Variants in FKBP10 observed in about 807,000 individuals in gnomAD.
FKBP10 encodes the protein peptidyl-prolyl cis-trans isomerase FKBP10.
A neutral mutation model predicts 53.7 loss-of-function variants in FKBP10; 34 were observed. That is an observed-to-expected ratio of 0.63 (90% CI 0.48 to 0.84). The LOEUF (loss-of-function observed/expected upper bound fraction) is 0.84, where lower values mean the gene tolerates loss of function less well. Among genes scored for constraint, FKBP10 ranks in the 40% least tolerant of loss-of-function variants. The pLI, the probability that FKBP10 is intolerant of heterozygous loss-of-function variation, is 0.00. For synonymous variants in FKBP10, 324 were observed against 335.7 expected, an observed-to-expected ratio of 0.97 and a Z score of 0.38; for missense variants, 748 against 797.8, an observed-to-expected ratio of 0.94 and a Z score of 0.75.
chr17:41,820,758 G>T lies in FKBP10; in HGVS notation c.1257-189G>T, dbSNP rs1043620017. 4.7e-4 allele frequency: 379 copies of T among 807,952 alleles called. 1 individual carries two copies. The highest frequency in any genetic ancestry group is 4.1e-4 in the Non-Finnish European group (217 of 525,870). 50.0% of individuals were successfully genotyped at this position (807,952 alleles called of 1,614,324 possible). ...AGCCCTCGAGGCCACACTTTAGGGG[G>T]CAGAGGCAAGATGAGAAGGGAACCC... On this transcript the variant is annotated intron_variant, in intron 7 of 9. Transcript: ENST00000321562.
chr17:41,819,483 G>A, intron 5 of FKBP10, 47 bp from the exon 6 acceptor site: 1 of 1,613,940 alleles, frequency 6.2e-7, no homozygotes, highest in Non-Finnish European at 8.5e-7. Flanking sequence ...CCTGGAAGGG[G>A]AGGGCCCCTT....
At chr17:41,819,914 G>A (rs2047868898) in intron 6 of FKBP10, 3 of 1,540,878 alleles carry the variant, frequency 1.9e-6, no homozygotes, top group East Asian at 2.5e-5. Context: ...CAAGTTTGGG[G>A]AGGGAGGGTG....
rs201944190 is a variant in FKBP10 at position 41,822,352 on chromosome 17, G to A, written c.1693G>A (p.Asp565Asn). Residue 565 changes from aspartate (D) to asparagine (N), a missense_variant, in exon 10 of 10, where the codon GAC (aspartate) becomes AAC (asparagine). Physicochemically the swap from Asp to Asn is conservative, Grantham distance 23. Coordinates refer to ENST00000321562, the MANE Select transcript of FKBP10 (RefSeq NM_021939.4). ...DRNQDGKITV[D>N]ELKLKSDEDE... Reference sequence around the variant, plus strand: ...CAACCAGGACGGCAAGATCACAGTCGACGAGCTCAAGCTGAAGTCAGATGA... The same window carrying A: ...CAACCAGGACGGCAAGATCACAGTCAACGAGCTCAAGCTGAAGTCAGATGA... 56 of 1,613,158 alleles carry A rather than the reference G, an allele frequency of 3.5e-5. No individual in the cohort carries two copies. The highest frequency in any genetic ancestry group is 3.3e-4 in the Middle Eastern group (2 of 6,062).
chr17:41,820,886 GA>G, intron 7 of FKBP10, 60 bp from the exon 8 acceptor site: 2 of 1,586,608 alleles, frequency 1.3e-6, no homozygotes. Context: ...CTCAGAGGGA[GA>G]GGGGTGTGCG....
At position 41,817,220 on chromosome 17, in the gene FKBP10, C is replaced by T. The variant is rs782486491; in HGVS notation, c.391+17C>T. The T allele has an allele frequency of 1.2e-6, 2 of 1,610,794 alleles. No homozygotes were observed. Among genetic ancestry groups the T allele is most frequent in the Non-Finnish European group, 1.7e-6 (2 of 1,180,014 alleles). ...TCGGCCTGGGTGAGAAGGGCTGGGG[C>T]ACAGGCCGGGGGTGGAGGAGACCAC... is the stretch of plus-strand genomic sequence containing the variant. On this transcript the variant is annotated intron_variant, in intron 2 of 9. Coordinates refer to ENST00000321562, the MANE Select transcript of FKBP10 (RefSeq NM_021939.4).
In FKBP10 at chr17:41,822,429, G is replaced by A; in HGVS notation, c.*21G>A. 1 of 1,585,444 alleles carries A rather than the reference G, an allele frequency of 6.3e-7. No homozygotes were observed. Among genetic ancestry groups the A allele is most frequent in the Non-Finnish European group, 8.6e-7 (1 of 1,165,686 alleles). On this transcript the variant is annotated 3_prime_UTR_variant, in exon 10 of 10. Transcript: ENST00000321562. The stretch of plus-strand genomic sequence containing the variant: ...TCTGAGGGGCAGGGAGCCTGGCCAG[G>A]CCTGAGACACAGAGGCCCACTGCGA...
chr17:41,813,049 C>T lies in FKBP10; in HGVS notation c.15C>T (p.Gly5=), dbSNP rs782670466. The part of the protein sequence containing the change: MFPA[G]PPSHSLLRLP... ...CTCCAGGCACCATGTTCCCCGCGGG[C>T]CCCCCCAGCCACAGCCTCCTCCGGC... The change falls in exon 1 of 10, where the codon GGC becomes GGT. Residue 5 remains glycine, a synonymous_variant. Transcript: ENST00000321562. The T allele has an allele frequency of 3.7e-6, 6 of 1,609,286 alleles. No homozygotes were observed. Among genetic ancestry groups the T allele is most frequent in the Admixed American group, 3.3e-5 (2 of 59,956 alleles).
In FKBP10 at chr17:41,818,423, G is replaced by A. The variant is rs2047843931; in HGVS notation, c.623G>A (p.Gly208Asp). 6.2e-7 allele frequency: 1 copy of A among 1,614,210 alleles called. No homozygotes were observed. Among genetic ancestry groups the A allele is most frequent in the Non-Finnish European group, 8.5e-7 (1 of 1,180,044 alleles). Residue 208 changes from glycine to aspartate, a missense_variant, in exon 4 of 10, where the codon GGT becomes GAT. Coordinates refer to ENST00000321562, the MANE Select transcript of FKBP10 (RefSeq NM_021939.4). ...GGTYDTYVGS[G>D]WLIKGMDQGL... ...ACTTATGACACCTACGTCGGCTCTG[G>A]TTGGCTGATCAAGGGCATGGACCAG...
rs764950164 is a variant in FKBP10 at position 41,821,679 on chromosome 17, G to C, written c.1425G>C (p.Val475=). Residue 475 remains valine (V), a synonymous_variant, in exon 9 of 10, where the codon GTG becomes GTC. Coordinates refer to ENST00000321562, the MANE Select transcript of FKBP10 (RefSeq NM_021939.4). The part of the protein sequence containing the change: ...SGARGVPGSA[V]LLFEVELVSR... ...CCCGGGGAGTCCCAGGCAGTGCTGT[G>C]CTGCTGTTTGAGGTGGAGCTGGTGT... The C allele has an allele frequency of 6.2e-7, 1 of 1,613,924 alleles. No individual in the cohort carries two copies. Among genetic ancestry groups the C allele is most frequent in the African/African-American group, 1.3e-5 (1 of 74,920 alleles).
rs2047844572 is a variant in FKBP10 at position 41,818,471 on chromosome 17, G to A, written c.671G>A (p.Gly224Glu). ...MDQGLLGMCP[G>E]ERRKIIIPPF... is the part of the protein sequence containing the mutation. ...CAGGGGCTGCTGGGCATGTGTCCTG[G>A]AGAGAGAAGGAAGATTATCATCCCT... The change falls in exon 4 of 10, where the codon GGA becomes GAA. Residue 224 changes from glycine (G) to glutamate (E), a missense_variant. Gly to Glu is a moderately conservative substitution (Grantham distance 98). Coordinates refer to ENST00000321562, the MANE Select transcript of FKBP10 (RefSeq NM_021939.4). 2.5e-6 allele frequency: 4 copies of A among 1,614,232 alleles called. No homozygotes were observed. The highest frequency in any genetic ancestry group is 2.2e-5 in the East Asian group (1 of 44,880).
chr17:41,821,053 A>G lies in FKBP10; in HGVS notation c.1363A>G (p.Ile455Val), dbSNP rs146701946. 1.3e-3 allele frequency: 2,026 copies of G among 1,584,410 alleles called. 9 individuals carry two copies. The highest frequency in any genetic ancestry group is 3.6e-3 in the South Asian group (319 of 87,484). The stretch of plus-strand genomic sequence containing the variant: ...GTGTGTGGGAGAGAGGCGGCAGCTC[A>G]TCGTGCCCCCGCACCTGGCCCACGG... ...GMCVGERRQL[I>V]VPPHLAHGES... is the part of the protein sequence containing the mutation. The change falls in exon 8 of 10, where the codon ATC becomes GTC. Residue 455 changes from isoleucine (I) to valine (V), a missense_variant. By Grantham distance (29) the Ile-to-Val change is conservative (BLOSUM62 3). Transcript: ENST00000321562.
At chr17:41,813,337 G>T in intron 1 of FKBP10, 58 bp downstream of exon 1, 1 of 1,609,766 alleles carries the variant, frequency 6.2e-7, no homozygotes, top group Non-Finnish European at 8.5e-7. Context: ...CCGGGGTCCT[G>T]TTTCCTTGTT....
chr17:41,817,167 G>C lies in FKBP10; in HGVS notation c.355G>C (p.Val119Leu). 1 of 1,613,990 alleles carries C rather than the reference G, an allele frequency of 6.2e-7. No homozygotes were observed. The highest frequency in any genetic ancestry group is 1.1e-5 in the South Asian group (1 of 91,088). Residue 119 changes from valine (V) to leucine (L), a missense_variant, in exon 2 of 10, where the codon GTG (valine) becomes CTG (leucine). Coordinates refer to ENST00000321562, the MANE Select transcript of FKBP10 (RefSeq NM_021939.4). ...MCVNERRRLI[V>L]PPHLGYGSIG... ...TGTCAACGAGCGGCGACGCCTCATTGTGCCTCCCCACCTGGGCTATGGGAG... is the reference window on the plus strand; with the variant it reads ...TGTCAACGAGCGGCGACGCCTCATTCTGCCTCCCCACCTGGGCTATGGGAG...
chr17:41,818,646 G>T, intron 4 of FKBP10, 119 bp downstream of exon 4: 1 of 1,353,616 alleles, frequency 7.4e-7, no homozygotes, highest in Non-Finnish European at 1.0e-6. Flanking sequence ...CTCAAGGTGG[G>T]ATGAAATCTA....
chr17:41,818,309 TGG>T (rs782747228), intron 3 of FKBP10, 31 bp downstream of exon 3: 1 of 1,613,934 alleles, frequency 6.2e-7, no homozygotes, highest in African/African-American at 1.3e-5. Context: ...CCTGAGGCAC[TGG>T]GGACTGTGGC....
At chr17:41,816,062 C>T (rs1442963561) in intron 1 of FKBP10, among the ~76,000 whole-genome samples, 3 of 150,994 alleles carry the variant, frequency 2.0e-5, no homozygotes, top group Non-Finnish European at 4.4e-5. Context: ...CGCTTAAACC[C>T]GGGAGGTGGA....
chr17:41,818,528 G>T lies in FKBP10; in HGVS notation c.727+1G>T. ...CTGGCCTATGGCGAGAAAGGCTATG[G>T]TGAGGGTGGGCAAGGACACAAGGGG... is the stretch of plus-strand genomic sequence containing the variant. On this transcript the variant is annotated splice_donor_variant, in intron 4 of 9. Coordinates refer to ENST00000321562, the MANE Select transcript of FKBP10 (RefSeq NM_021939.4). LOFTEE classifies it high-confidence loss of function. 6.2e-7 allele frequency: 1 copy of T among 1,614,148 alleles called. No homozygotes were observed. Among genetic ancestry groups the T allele is most frequent in the Non-Finnish European group, 8.5e-7 (1 of 1,180,024 alleles).
At position 41,813,112 on chromosome 17, in the gene FKBP10, C is replaced by G; in HGVS notation, c.78C>G (p.Ala26=). The G allele has an allele frequency of 1.9e-6, 3 of 1,611,294 alleles. No individual in the cohort carries two copies. Among genetic ancestry groups the G allele is most frequent in the Non-Finnish European group, 2.5e-6 (3 of 1,179,674 alleles). Residue 26 remains alanine (A), a synonymous_variant, in exon 1 of 10, where the codon GCC becomes GCG. Transcript: ENST00000321562. ...LLQLLLLVVQ[A]VGRGLGRASP... ...AGTTGCTGCTACTGGTGGTGCAGGC[C>G]GTGGGGAGGGGGCTGGGCCGCGCCA...
At position 41,817,141 on chromosome 17, in the gene FKBP10, G is replaced by A. The variant is rs1555616197; in HGVS notation, c.329G>A (p.Cys110Tyr). 6.8e-6 allele frequency: 11 copies of A among 1,614,122 alleles called. No homozygotes were observed. The South Asian group carries it at 1.2e-4, about 18-fold the overall frequency. The change falls in exon 2 of 10, where the codon TGT becomes TAT. Residue 110 changes from cysteine to tyrosine, a missense_variant. Cys to Tyr is a radical substitution (Grantham distance 194). Coordinates refer to ENST00000321562, the MANE Select transcript of FKBP10 (RefSeq NM_021939.4). ...TGMDRGLMGMCVNERRRLIVP... is the reference protein window; with the variant it reads ...TGMDRGLMGMYVNERRRLIVP... ...ATGGACCGAGGCCTCATGGGCATGT[G>A]TGTCAACGAGCGGCGACGCCTCATT...
Sources: gnomAD v4.1 joint callset for allele counts (sites outside exome capture counted in the v4.1 genomes callset) on GRCh38, gnomAD v4.1.1 for gene constraint, MANE v1.5 for transcripts, NCBI Gene and HGNC (gene_info 2026-07-23, HGNC 2026-07-21) for gene names.